The following COL4A4 variants were observed in gnomAD, a reference collection of about 807,000 sequenced individuals.
COL4A4 encodes the protein collagen type IV alpha 4 chain.
COL4A4 carries 105 observed loss-of-function variants against 192.9 expected under a neutral mutation model. The ratio of observed to expected loss-of-function variants is 0.54; its 90% CI spans 0.46 to 0.64. The LOEUF (loss-of-function observed/expected upper bound fraction) is 0.64. Ranked by LOEUF, COL4A4 falls within the 30% of genes least tolerant of loss-of-function variation. The pLI is 0.00. For synonymous variants in COL4A4, 762 were observed against 769.9 expected (o/e 0.99, Z 0.17); for missense variants, 1,967 against 2,169.3 (o/e 0.91, Z 1.85).
chr2:226,975,393 G>A, the COL4A4 span, among the ~76,000 whole-genome samples: 1 of 152,118 alleles, frequency 6.6e-6, no homozygotes, highest in Non-Finnish European at 1.5e-5. Context: ...CTGGAGGTGA[G>A]GGAGGCCCGA....
the COL4A4 span, among the ~76,000 whole-genome samples, chr2:226,991,384 G>A: frequency 5.3e-5 from 8 of 152,272 alleles, 1 homozygote; most frequent in South Asian, 4.1e-4. Flanking sequence ...GTTTCACCAC[G>A]TTGGCCCGGA....
At chr2:227,064,929 C>T (rs1369252223) in intron 25 of COL4A4, among the ~76,000 whole-genome samples, 2 of 152,136 alleles carry the variant, frequency 1.3e-5, no homozygotes, top group African/African-American at 4.8e-5. Context: ...GCTCCCAGCG[C>T]GCGCGACGCA....
chr2:226,970,003 A>T, the COL4A4 span, among the ~76,000 whole-genome samples: 1 of 105,996 alleles, frequency 9.4e-6, no homozygotes, highest in African/African-American at 3.7e-5. Flanking sequence ...CCCCCCCTTA[A>T]TTTTTTATTT....
chr2:227,007,491 C>G lies in COL4A4; in HGVS notation c.4907G>C (p.Gly1636Ala), dbSNP rs749126012. 6.2e-7 allele frequency: 1 copy of G among 1,614,126 alleles called. No individual in the cohort carries two copies. The highest frequency in any genetic ancestry group is 2.2e-5 in the East Asian group (1 of 44,880). ...GAAAAAGTGGCAAGTTCCCTGCCGG[C>G]CCTGGCATTCAAGGAATGGTGCTGC... is the stretch of plus-strand genomic sequence containing the variant. ...FRAAPFLECQ[G>A]RQGTCHFFAN... The change falls in exon 48 of 48, where the codon GGC becomes GCC. Residue 1636 changes from glycine (G) to alanine (A), a missense_variant. By Grantham distance (60) the Gly-to-Ala change is moderately conservative. Coordinates refer to ENST00000396625, the MANE Select transcript of COL4A4 (RefSeq NM_000092.5).
chr2:226,972,757 C>T, the COL4A4 span, among the ~76,000 whole-genome samples: 258 of 152,250 alleles, frequency 1.7e-3, 2 homozygotes, highest in Middle Eastern at 3.4e-3. Flanking sequence ...TGCTCACACT[C>T]GGCCAAGCTC....
In COL4A4 at chr2:227,031,091, A is replaced by G. The variant is rs183593098; in HGVS notation, c.3818-493T>C. Among the ~76,000 whole-genome samples, 575 of 152,216 alleles carry G rather than the reference A, an allele frequency of 3.8e-3. 3 individuals are homozygous for G. Among genetic ancestry groups the G allele is most frequent in the Middle Eastern group, 0.024 (7 of 294 alleles). On this transcript the variant is annotated intron_variant, in intron 40 of 47. Coordinates refer to ENST00000396625, the MANE Select transcript of COL4A4 (RefSeq NM_000092.5). Reference sequence around the variant, plus strand: ...GATGGATAGACTGATGGACAGATAGACAGGCATTTGAGGAAATATGTCTGG... The same window carrying G: ...GATGGATAGACTGATGGACAGATAGGCAGGCATTTGAGGAAATATGTCTGG...
intron 37 of COL4A4, among the ~76,000 whole-genome samples, chr2:227,038,677 A>G (rs545183014): frequency 2.0e-5 from 3 of 152,362 alleles, no homozygotes; most frequent in African/African-American, 7.2e-5. Context: ...ATTGAACACA[A>G]GCAGGATGCA....
At chr2:227,057,665 T>C in intron 28 of COL4A4, 65 bp from the exon 29 acceptor site, 3 of 1,513,364 alleles carry the variant, frequency 2.0e-6, no homozygotes, top group Non-Finnish European at 2.7e-6. Context: ...CCATGATGAA[T>C]TGTTCACGCA....
At chr2:226,988,853 C>G in the COL4A4 span, 1 of 254,700 alleles carries the variant, frequency 3.9e-6, no homozygotes, top group African/African-American at 2.3e-5. Context: ...TATCTATTGC[C>G]AAACCTTACT....
chr2:227,147,236 T>C, intron 2 of COL4A4, 177 bp downstream of exon 2: 1 of 727,572 alleles, frequency 1.4e-6, no homozygotes, highest in South Asian at 1.4e-5. Flanking sequence ...TCAGGGAAAA[T>C]TGAGAGGGTT....
Position 227,099,615 on chromosome 2 carries a change from C to A in COL4A4, c.1099+5G>T. The A allele has an allele frequency of 6.2e-7, 1 of 1,613,898 alleles. No individual in the cohort carries two copies. The highest frequency in any genetic ancestry group is 1.1e-5 in the South Asian group (1 of 91,072). On this transcript the variant is annotated splice_donor_5th_base_variant and intron_variant, in intron 18 of 47. Transcript: ENST00000396625. ...TTTATGGAGGAACTGAATAGGAACACAAACCTTTGAGTGGAAGAGGTGGAG... is the reference window on the plus strand; with the variant it reads ...TTTATGGAGGAACTGAATAGGAACAAAAACCTTTGAGTGGAAGAGGTGGAG...
At chr2:227,110,868 T>C (rs956860889) in intron 9 of COL4A4, among the ~76,000 whole-genome samples, 2 of 148,220 alleles carry the variant, frequency 1.3e-5, no homozygotes, top group African/African-American at 2.5e-5. Context: ...TTTTAGTAGA[T>C]AGGGGCTTTC....
In COL4A4 at chr2:227,066,098, T is replaced by C. The variant is rs544059330; in HGVS notation, c.1988-3500A>G. ...AGAATGCAGAAGCCTCAGGAGCCGA[T>C]GCGATCAACTGGAACAAAGGGTATC... is the stretch of plus-strand genomic sequence containing the variant. On this transcript the variant is annotated intron_variant, in intron 25 of 47. Transcript: ENST00000396625. Among the ~76,000 whole-genome samples the C allele has an allele frequency of 2.0e-5, 3 of 152,296 alleles. No individual in the cohort carries two copies. In the South Asian group the frequency reaches 6.2e-4, roughly 32 times the overall value.
rs901711159 is a variant in COL4A4 at position 227,118,649 on chromosome 2, G to T, written c.485C>A (p.Pro162His). The change falls in exon 7 of 48, where the codon CCC (proline) becomes CAC (histidine). Residue 162 changes from proline (P) to histidine (H), a missense_variant. By Grantham distance (77) the Pro-to-His change is moderately conservative (BLOSUM62 -2). Coordinates refer to ENST00000396625, the MANE Select transcript of COL4A4 (RefSeq NM_000092.5). ...GATGAACTGTGGGTATCTTACTAGG[G>T]GGCCTCCTGGGCCAAGAGCTCCTCT... The part of the protein sequence containing the change: ...GGRGALGPGG[P>H]LGHPGEKGEK... 1 of 1,611,342 alleles carries T rather than the reference G, an allele frequency of 6.2e-7. No homozygotes were observed. Among genetic ancestry groups the T allele is most frequent in the Admixed American group, 1.7e-5 (1 of 59,994 alleles).
chr2:227,051,800 A>G (rs550941021), intron 32 of COL4A4, among the ~76,000 whole-genome samples: 1 of 152,350 alleles, frequency 6.6e-6, no homozygotes, highest in East Asian at 1.9e-4. Context: ...CCCAGTTTAG[A>G]ATATCCAAAT....
intron 1 of COL4A4, among the ~76,000 whole-genome samples, chr2:227,152,093 C>T (rs2063988756): frequency 6.6e-6 from 1 of 152,206 alleles, no homozygotes; most frequent in African/African-American, 2.4e-5. Context: ...AACTCCCTGA[C>T]CCAGGAGTTG....
chr2:226,993,476 C>T, the COL4A4 span, among the ~76,000 whole-genome samples: 2 of 152,222 alleles, frequency 1.3e-5, no homozygotes, highest in African/African-American at 4.8e-5. Context: ...TGGATCTCAT[C>T]ATATAAAACA....
chr2:227,157,601 ATAAT>A (rs2064457000), intron 1 of COL4A4, among the ~76,000 whole-genome samples: 1 of 152,060 alleles, frequency 6.6e-6, no homozygotes, highest in African/African-American at 2.4e-5. Flanking sequence ...GATTAAAAAG[ATAAT>A]TAGAGAATCT....
intron 42 of COL4A4, among the ~76,000 whole-genome samples, chr2:227,026,539 C>G (rs1032126835): frequency 1.5e-4 from 22 of 151,394 alleles, no homozygotes; most frequent in African/African-American, 5.3e-4. Context: ...AGCCCTTGTT[C>G]CTCCTGTCCT....
Sources: gnomAD v4.1 joint callset for allele counts (sites outside exome capture counted in the v4.1 genomes callset) on GRCh38, gnomAD v4.1.1 for gene constraint, MANE v1.5 for transcripts, NCBI Gene and HGNC (gene_info 2026-07-23, HGNC 2026-07-21) for gene names.